The following MDGA2 variants were observed in gnomAD, a reference collection of about 807,000 sequenced individuals.
The protein encoded by MDGA2 is MAM domain containing glycosylphosphatidylinositol anchor 2.
MDGA2 carries 40 observed loss-of-function variants against 117.8 expected under a neutral mutation model. The ratio of observed to expected loss-of-function variants is 0.34; its 90% CI spans 0.26 to 0.44. The LOEUF (loss-of-function observed/expected upper bound fraction) is 0.44. Ranked by LOEUF, MDGA2 falls within the 20% of genes least tolerant of loss-of-function variation. MDGA2 has a pLI of 1.00. For synonymous variants in MDGA2, 452 were observed against 439.0 expected, an observed-to-expected ratio of 1.03 and a Z score of -0.37; for missense variants, 1,123 against 1,250.6, an observed-to-expected ratio of 0.90 and a Z score of 1.54.
intron 9 of MDGA2, among the ~76,000 whole-genome samples, chr14:46,930,239 A>G (rs1330916620): frequency 6.6e-6 from 1 of 152,158 alleles, no homozygotes; most frequent in African/African-American, 2.4e-5. Flanking sequence ...CCACAGATAG[A>G]TAATTAAAAC....
intron 2 of MDGA2, among the ~76,000 whole-genome samples, chr14:47,254,716 T>C (rs948856620): frequency 1.3e-5 from 2 of 152,184 alleles, no homozygotes; most frequent in Non-Finnish European, 2.9e-5. Flanking sequence ...GTTCCAATTT[T>C]CGGGTATTCT....
intron 6 of MDGA2, among the ~76,000 whole-genome samples, chr14:47,093,400 G>A (rs1363663813): frequency 2.0e-5 from 3 of 152,050 alleles, no homozygotes; most frequent in Non-Finnish European, 2.9e-5. Flanking sequence ...AGAGATGTAG[G>A]CATTTCTAAA....
rs550821915 is a variant in MDGA2, at chr14:47,370,426, G to GTATCTGAA, written c.281-68884_281-68877dup. Among the ~76,000 whole-genome samples, 33 of 122,116 alleles carry GTATCTGAA rather than the reference G, an allele frequency of 2.7e-4. No homozygotes were observed. In the East Asian group the frequency reaches 9.0e-3, roughly 33 times the overall value. 80.1% of individuals were successfully genotyped at this position (122,116 alleles called of 152,430 possible). Reference sequence around the variant, plus strand: ...TGAAAAGAAAGTTCATCAGAGACCTGTATCTGAATATCTGAATTACTATTT... The same window carrying GTATCTGAA: ...TGAAAAGAAAGTTCATCAGAGACCTGTATCTGAATATCTGAATATCTGAATTACTATTT... On this transcript the variant is annotated intron_variant, in intron 1 of 16. Coordinates refer to ENST00000399232, the MANE Select transcript of MDGA2 (RefSeq NM_001113498.3).
chr14:47,431,827 A>C (rs539548625), intron 1 of MDGA2, among the ~76,000 whole-genome samples: 1 of 152,176 alleles, frequency 6.6e-6, no homozygotes, highest in African/African-American at 2.4e-5. Context: ...AGTTCATGCT[A>C]TACTTCAGTA....
intron 15 of MDGA2, among the ~76,000 whole-genome samples, chr14:46,851,309 T>G (rs1210070899): frequency 6.6e-6 from 1 of 151,846 alleles, no homozygotes. Flanking sequence ...AAGGGGATGG[T>G]TAAATATTTT....
intron 3 of MDGA2, among the ~76,000 whole-genome samples, chr14:47,195,229 T>C (rs1249081553): frequency 6.6e-6 from 1 of 152,050 alleles, no homozygotes; most frequent in Non-Finnish European, 1.5e-5. Flanking sequence ...TTAGTTTCCA[T>C]CAAGGTTAGC....
intron 14 of MDGA2, among the ~76,000 whole-genome samples, chr14:46,868,099 A>G (rs1881849437): frequency 6.6e-6 from 1 of 152,002 alleles, no homozygotes; most frequent in Non-Finnish European, 1.5e-5. Context: ...CGAGAATCAA[A>G]TGTAAATAAA....
chr14:47,125,806 A>C (rs1881872194), intron 5 of MDGA2, among the ~76,000 whole-genome samples: 1 of 152,038 alleles, frequency 6.6e-6, no homozygotes, highest in African/African-American at 2.4e-5. Flanking sequence ...AGCCACACCT[A>C]TCCCTTTTTT....
At position 47,508,352 on chromosome 14, in the gene MDGA2, A is replaced by ACTCTCTCTCTCTCTCTCT. The variant is rs3039658; in HGVS notation, c.280+166147_280+166164dup. Among the ~76,000 whole-genome samples, 337 of 132,802 alleles carry ACTCTCTCTCTCTCTCTCT rather than the reference A, an allele frequency of 2.5e-3. 4 individuals carry two copies. The highest frequency in any genetic ancestry group is 3.9e-3 in the African/African-American group (135 of 34,510). The allele number at this position is 132,802 out of a possible 152,430, so 87.1% of individuals were successfully genotyped here. A position where few individuals can be genotyped will look rare whatever the true frequency, so the allele number is the denominator to read the frequency against. On this transcript the variant is annotated intron_variant, in intron 1 of 16. Transcript: ENST00000399232. ...CACATATTTCCTAATTTGCTGATTGACTCTCTCTCTCTCTCTCTCTCTCTC... is the reference window on the plus strand; with the variant it reads ...CACATATTTCCTAATTTGCTGATTGACTCTCTCTCTCTCTCTCTCTCTCTCTCTCTCTCTCTCTCTCTC...
intron 1 of MDGA2, 56 bp downstream of exon 1, chr14:47,674,461 C>A (rs1898137221): frequency 6.8e-7 from 1 of 1,470,196 alleles, no homozygotes; most frequent in South Asian, 1.3e-5. Flanking sequence ...TTTTCGCTCA[C>A]CAGCCTATCT....
At chr14:46,911,943 G>A (rs541717216) in intron 10 of MDGA2, among the ~76,000 whole-genome samples, 1 of 152,124 alleles carries the variant, frequency 6.6e-6, no homozygotes, top group South Asian at 2.1e-4. Flanking sequence ...CACTGAACAG[G>A]GCTCCATCCC....
rs952278783 is a variant in MDGA2 at position 46,907,457 on chromosome 14, T to C, written c.2238+12555A>G. On this transcript the variant is annotated intron_variant, in intron 10 of 16. Transcript: ENST00000399232. ...TCTAATGATTAGATTCACATGACAT[T>C]TTTGAATTTAGACCTCTATTGTTCT... 2.6e-5 allele frequency among the ~76,000 whole-genome samples: 4 copies of C among 152,306 alleles called. No individual in the cohort carries two copies. In the East Asian group the frequency reaches 7.7e-4, roughly 29 times the overall value.
chr14:46,982,564 C>T (rs1385723934), intron 8 of MDGA2, among the ~76,000 whole-genome samples: 1 of 151,456 alleles, frequency 6.6e-6, no homozygotes, highest in African/African-American at 2.4e-5. Context: ...TAAAAATTAG[C>T]TGGGTGTGGT....
At chr14:47,319,548 AT>A (rs1484379973) in intron 1 of MDGA2, among the ~76,000 whole-genome samples, 1 of 152,168 alleles carries the variant, frequency 6.6e-6, no homozygotes, top group African/African-American at 2.4e-5. Flanking sequence ...TGCCAAGGGT[AT>A]TTAATCTCTT....
intron 1 of MDGA2, among the ~76,000 whole-genome samples, chr14:47,557,858 T>C (rs751773906): frequency 3.8e-4 from 58 of 152,296 alleles, no homozygotes; most frequent in Middle Eastern, 6.8e-3. Flanking sequence ...CTTTATTAAT[T>C]TGTACATTCA....
At chr14:47,055,201 C>T (rs1460275338) in intron 7 of MDGA2, among the ~76,000 whole-genome samples, 1 of 151,902 alleles carries the variant, frequency 6.6e-6, no homozygotes, top group Non-Finnish European at 1.5e-5. Flanking sequence ...TTAAGAATGT[C>T]TTTTGAAATT....
At chr14:47,467,769 G>C (rs1185865457) in intron 1 of MDGA2, among the ~76,000 whole-genome samples, 1 of 152,110 alleles carries the variant, frequency 6.6e-6, no homozygotes, top group Non-Finnish European at 1.5e-5. Context: ...GTTTAAAACA[G>C]AGCCTAGTGC....
chr14:47,418,118 C>A (rs1892510195), intron 1 of MDGA2, among the ~76,000 whole-genome samples: 3 of 151,986 alleles, frequency 2.0e-5, no homozygotes, highest in Admixed American at 1.3e-4. Flanking sequence ...GCTGTGTCGC[C>A]CAGGCTGGAG....
At chr14:47,378,125 C>T (rs1354172835) in intron 1 of MDGA2, among the ~76,000 whole-genome samples, 1 of 152,162 alleles carries the variant, frequency 6.6e-6, no homozygotes, top group Admixed American at 6.5e-5. Flanking sequence ...CAGCAAACTC[C>T]AACAGACCTG....
Sources: gnomAD v4.1 joint callset for allele counts (sites outside exome capture counted in the v4.1 genomes callset) on GRCh38, gnomAD v4.1.1 for gene constraint, MANE v1.5 for transcripts, NCBI Gene and HGNC (gene_info 2026-07-23, HGNC 2026-07-21) for gene names.